The following BIRC6 variants were observed in gnomAD, a reference collection of about 807,000 sequenced individuals.
BIRC6 encodes baculoviral IAP repeat containing 6.
Under a neutral mutation model 503.3 loss-of-function variants are expected in BIRC6, and 98 were observed. That is an observed-to-expected ratio of 0.19 (90% CI 0.17 to 0.23). BIRC6 has a LOEUF of 0.23. Ranked by LOEUF, BIRC6 falls within the 10% of genes least tolerant of loss-of-function variation. The pLI is 1.00. For missense variants in BIRC6, 5,360 were observed against 5,806.0 expected, an observed-to-expected ratio of 0.92 and a Z score of 2.50; for synonymous variants, 2,240 against 2,078.7, an observed-to-expected ratio of 1.08 and a Z score of -2.11.
At chr2:32,534,658 G>A (rs1243240225) in intron 61 of BIRC6, among the ~76,000 whole-genome samples, 1 of 146,166 alleles carries the variant, frequency 6.8e-6, no homozygotes, top group Non-Finnish European at 1.5e-5. Flanking sequence ...TTGAACCCAG[G>A]AGGCAGAGGC....
rs1164804355 is a variant in BIRC6 at position 32,481,326 on chromosome 2, C to T, written c.7415C>T (p.Pro2472Leu). The change falls in exon 38 of 74, where the codon CCT (proline) becomes CTT (leucine). Residue 2472 changes from proline (P) to leucine (L), a missense_variant. Pro to Leu is a moderately conservative substitution (Grantham distance 98, BLOSUM62 -3). Around this residue, in one of 16 missense-constraint regions of BIRC6, gnomAD observed 2,299 missense variants for 2,267.2 expected, o/e 1.01. Transcript: ENST00000421745. The part of the protein sequence containing the change: ...EPLTHDITGA[P>L]PLSSLEKDKE... ...CACTTTTAATTATTTGAAGGTGCAC[C>T]TCCTCTGTCCTCTTTGGAAAAAGAT... The T allele has an allele frequency of 6.9e-6, 11 of 1,590,944 alleles. No individual in the cohort carries two copies. The highest frequency in any genetic ancestry group is 8.6e-6 in the Non-Finnish European group (10 of 1,168,318).
chr2:32,403,097 CAAA>C (rs1447930757), intron 8 of BIRC6, among the ~76,000 whole-genome samples: 2 of 152,158 alleles, frequency 1.3e-5, no homozygotes, highest in Non-Finnish European at 2.9e-5. Flanking sequence ...ACAAATCATA[CAAA>C]AACATTAAGT....
chr2:32,454,981 C>G (rs1179403587), intron 23 of BIRC6, among the ~76,000 whole-genome samples: 1 of 152,074 alleles, frequency 6.6e-6, no homozygotes, highest in East Asian at 1.9e-4. Context: ...TTTGTAGAAA[C>G]TTTTACATTT....
chr2:32,501,862 A>C lies in BIRC6; in HGVS notation c.9181A>C (p.Met3061Leu), dbSNP rs1235250056. ...HMMLQPILTY[M>L]ACGYMGRQGS... is the part of the protein sequence containing the mutation. ...GATGCTGCAGCCAATTTTAACATAC[A>C]TGGCCTGTGGATATATGGGCAGACA... The change falls in exon 47 of 74, where the codon ATG becomes CTG. Residue 3061 changes from methionine (M) to leucine (L), a missense_variant. Around this residue, in one of 16 missense-constraint regions of BIRC6, gnomAD observed 267 missense variants for 287.6 expected, o/e 0.93. Coordinates refer to ENST00000421745, the MANE Select transcript of BIRC6 (RefSeq NM_016252.4). The C allele has an allele frequency of 1.8e-5, 29 of 1,612,720 alleles. No homozygotes were observed. Among genetic ancestry groups the C allele is most frequent in the Non-Finnish European group, 2.3e-5 (27 of 1,179,538 alleles).
At chr2:32,495,376 G>C (rs2052320751) in intron 45 of BIRC6, among the ~76,000 whole-genome samples, 1 of 152,182 alleles carries the variant, frequency 6.6e-6, no homozygotes, top group Non-Finnish European at 1.5e-5. Context: ...CCACAAAGCT[G>C]TGGCCCAAGA....
At chr2:32,386,478 C>T (rs570638041) in intron 3 of BIRC6, among the ~76,000 whole-genome samples, 3 of 147,626 alleles carry the variant, frequency 2.0e-5, no homozygotes, top group African/African-American at 7.5e-5. Flanking sequence ...GGGTCTTGCT[C>T]TGTCACTCAG....
chr2:32,602,998 T>C lies in BIRC6; in HGVS notation c.13993-8T>C, dbSNP rs2062171835. 1 of 1,600,978 alleles carries C rather than the reference T, an allele frequency of 6.2e-7. No homozygotes were observed. Among genetic ancestry groups the C allele is most frequent in the Non-Finnish European group, 8.5e-7 (1 of 1,176,360 alleles). On this transcript the variant is annotated splice_region_variant and splice_polypyrimidine_tract_variant and intron_variant, in intron 70 of 73. Transcript: ENST00000421745. ...TTCAATTCTGTTTATGCTTTTTTCG[T>C]TCGTCAGGTTTGTTTAAGCATCTTA... is the stretch of plus-strand genomic sequence containing the variant.
rs1209562547 is a variant in BIRC6, at chr2:32,404,887, C to A, written c.1419-1612C>A. Among the ~76,000 whole-genome samples the A allele has an allele frequency of 2.0e-5, 3 of 151,896 alleles. No homozygotes were observed. The East Asian group carries it at 5.8e-4, about 29-fold the overall frequency. Reference sequence around the variant, plus strand: ...GTGTTGCCCAGGCTGGTCTCGAATTCCTGGGCTCAAGCAGTCCTCCCTCCT... The same window carrying A: ...GTGTTGCCCAGGCTGGTCTCGAATTACTGGGCTCAAGCAGTCCTCCCTCCT... On this transcript the variant is annotated intron_variant, in intron 8 of 73. Coordinates refer to ENST00000421745, the MANE Select transcript of BIRC6 (RefSeq NM_016252.4).
chr2:32,442,969 T>C (rs2045581627), intron 19 of BIRC6, among the ~76,000 whole-genome samples: 1 of 152,154 alleles, frequency 6.6e-6, no homozygotes, highest in South Asian at 2.1e-4. Context: ...TATAGTATTG[T>C]TTTTTCCTAT....
chr2:32,505,172 A>T lies in BIRC6; in HGVS notation c.9667A>T (p.Ile3223Leu), dbSNP rs1235420654. The change falls in exon 50 of 74, where the codon ATA (isoleucine) becomes TTA (leucine). Residue 3223 changes from isoleucine to leucine, a missense_variant. By Grantham distance (5) the Ile-to-Leu change is conservative. Transcript: ENST00000421745. ...TCCTGCAGCAGTGCTGCTTAAGGAG[A>T]TACATATCCAGCCTCATCTTGCATC... Reference protein sequence around the residue: ...HLPAAVLLKEIHIQPHLASLA... With the variant: ...HLPAAVLLKELHIQPHLASLA... 1 of 1,584,566 alleles carries T rather than the reference A, an allele frequency of 6.3e-7. No individual in the cohort carries two copies. Among genetic ancestry groups the T allele is most frequent in the Non-Finnish European group, 8.6e-7 (1 of 1,164,342 alleles).
intron 1 of BIRC6, among the ~76,000 whole-genome samples, chr2:32,372,160 A>T (rs1486294271): frequency 1.3e-5 from 2 of 152,160 alleles, no homozygotes; most frequent in Non-Finnish European, 2.9e-5. Flanking sequence ...TAGAATATAA[A>T]GTAAAGTTGT....
chr2:32,357,554 C>G lies in BIRC6; in HGVS notation c.325+68C>G. The G allele has an allele frequency of 6.6e-7, 1 of 1,505,460 alleles. No individual in the cohort carries two copies. The highest frequency in any genetic ancestry group is 8.8e-7 in the Non-Finnish European group (1 of 1,131,216). The allele number at this position is 1,505,460 out of a possible 1,614,324, so 93.3% of individuals were successfully genotyped here. On this transcript the variant is annotated intron_variant, in intron 1 of 73. Transcript: ENST00000421745. The surrounding 1 kb of genome is among the most constrained non-coding windows in gnomAD (Gnocchi z 4.9). The stretch of plus-strand genomic sequence containing the variant: ...AAGCCGTCCAGCCCCGGGGCTCGGC[C>G]TCGCGACTCGGGGAAGCGAGATGGC...
intron 71 of BIRC6, among the ~76,000 whole-genome samples, chr2:32,607,210 A>G (rs2062534635): frequency 6.6e-6 from 1 of 151,922 alleles, no homozygotes; most frequent in Non-Finnish European, 1.5e-5. Context: ...CTTCATATCT[A>G]TTATTATTCA....
chr2:32,549,455 T>C lies in BIRC6; in HGVS notation c.13118T>C (p.Met4373Thr). The change falls in exon 65 of 74, where the codon ATG becomes ACG. Residue 4373 changes from methionine (M) to threonine (T), a missense_variant. Transcript: ENST00000421745. ...AGTCAGTCCTGCCTCATCCCAGCCATGTCATCTTATCTACGAAATGATTCA... is the reference window on the plus strand; with the variant it reads ...AGTCAGTCCTGCCTCATCCCAGCCACGTCATCTTATCTACGAAATGATTCA... ...LLSQSCLIPA[M>T]SSYLRNDSVL... The C allele has an allele frequency of 6.9e-7, 1 of 1,454,726 alleles. No individual in the cohort carries two copies. The highest frequency in any genetic ancestry group is 1.9e-5 in the Admixed American group (1 of 52,262). The allele number at this position is 1,454,726 out of a possible 1,614,324, so 90.1% of individuals were successfully genotyped here. A position where few individuals can be genotyped will look rare whatever the true frequency, so the allele number is the denominator to read the frequency against.
chr2:32,421,043 A>G (rs1257626963), intron 10 of BIRC6, among the ~76,000 whole-genome samples: 1 of 89,862 alleles, frequency 1.1e-5, no homozygotes, highest in South Asian at 3.2e-4. Flanking sequence ...TATTGTTATT[A>G]TTTCCTCCCC....
chr2:32,544,326 C>T (rs2057896298), intron 62 of BIRC6, among the ~76,000 whole-genome samples: 1 of 151,820 alleles, frequency 6.6e-6, no homozygotes, highest in South Asian at 2.1e-4. Flanking sequence ...AAAATGATGC[C>T]ATAATATGTA....
At position 32,397,574 on chromosome 2, in the gene BIRC6, C is replaced by CTGTGTGTGTGTGTGTG. The variant is rs147651911; in HGVS notation, c.1034+1997_1034+2012dup. On this transcript the variant is annotated intron_variant, in intron 6 of 73. Transcript: ENST00000421745. ...TTGGAATTGTCTTTCCCCGTAAAGG[C>CTGTGTGTGTGTGTGTG]TGTGTGTGTGTGTGTGTGTGTGTGT... 2.9e-3 allele frequency among the ~76,000 whole-genome samples: 403 copies of CTGTGTGTGTGTGTGTG among 138,050 alleles called. 4 individuals are homozygous for CTGTGTGTGTGTGTGTG. Among genetic ancestry groups the CTGTGTGTGTGTGTGTG allele is most frequent in the African/African-American group, 0.01 (373 of 36,700 alleles). The allele number at this position is 138,050 out of a possible 152,430, so 90.6% of individuals were successfully genotyped here. A position where few individuals can be genotyped will look rare whatever the true frequency, so the allele number is the denominator to read the frequency against.
intron 65 of BIRC6, among the ~76,000 whole-genome samples, chr2:32,574,413 C>T (rs775491064): frequency 2.6e-5 from 4 of 152,004 alleles, no homozygotes; most frequent in East Asian, 1.9e-4. Flanking sequence ...TCACAGTGTC[C>T]GGCCCCAAGT....
At chr2:32,590,693 A>G (rs1348095282) in intron 66 of BIRC6, 1 of 772,568 alleles carries the variant, frequency 1.3e-6, no homozygotes, top group Non-Finnish European at 1.6e-6. Flanking sequence ...CACAGAGCCA[A>G]AATTTGTTTA....
Sources: allele counts gnomAD v4.1 joint callset (sites outside exome capture counted in the v4.1 genomes callset), GRCh38; gene constraint gnomAD v4.1.1; regional missense constraint gnomAD v4.1.1; non-coding constraint Gnocchi (gnomAD v3.1); transcripts MANE v1.5; gene names NCBI Gene and HGNC (gene_info 2026-07-23, HGNC 2026-07-21).